Variants in ZNF804B observed in about 807,000 individuals in gnomAD.
ZNF804B encodes zinc finger protein 804B.
ZNF804B carries 80 observed loss-of-function variants against 101.4 expected under a neutral mutation model. The observed-to-expected ratio is 0.79, with a 90% CI of 0.66 to 0.95. ZNF804B has a LOEUF of 0.95. ZNF804B is among the 40% of genes least tolerant of loss of function. The probability of loss-of-function intolerance (pLI) is 0.00; values close to 1 mark genes in which losing one functional copy is unlikely to be tolerated. For missense variants in ZNF804B, 1,673 were observed against 1,561.9 expected, an observed-to-expected ratio of 1.07 and a Z score of -1.20; for synonymous variants, 622 against 558.8, an observed-to-expected ratio of 1.11 and a Z score of -1.59.
intron 1 of ZNF804B, among the ~76,000 whole-genome samples, chr7:88,913,540 G>T (rs760214457): frequency 1.3e-5 from 2 of 152,234 alleles, no homozygotes; most frequent in East Asian, 3.9e-4. Flanking sequence ...GATTACAGGT[G>T]CCTGTCACCA....
intron 3 of ZNF804B, among the ~76,000 whole-genome samples, chr7:89,329,107 C>T (rs986296368): frequency 1.3e-5 from 2 of 151,730 alleles, no homozygotes; most frequent in African/African-American, 4.8e-5. Flanking sequence ...TCAGCTGTCC[C>T]TCTGGAAGCC....
At chr7:88,942,528 G>T (rs990028337) in intron 1 of ZNF804B, among the ~76,000 whole-genome samples, 4 of 66,514 alleles carry the variant, frequency 6.0e-5, no homozygotes, top group African/African-American at 8.7e-5. Flanking sequence ...GTGTGTGTGT[G>T]TGTTTTGCAT....
intron 1 of ZNF804B, among the ~76,000 whole-genome samples, chr7:89,079,040 A>T (rs1413877670): frequency 2.0e-5 from 3 of 152,040 alleles, no homozygotes; most frequent in Non-Finnish European, 4.4e-5. Context: ...TTCAGCTTTG[A>T]ATGGCTCAAA....
chr7:89,138,446 G>A (rs1412374761), intron 1 of ZNF804B, among the ~76,000 whole-genome samples: 1 of 152,106 alleles, frequency 6.6e-6, no homozygotes, highest in African/African-American at 2.4e-5. Flanking sequence ...TAAGCAGAAG[G>A]GACTTGCCAT....
intron 1 of ZNF804B, among the ~76,000 whole-genome samples, chr7:89,091,920 T>A (rs1342610380): frequency 1.3e-5 from 2 of 150,878 alleles, no homozygotes; most frequent in Non-Finnish European, 2.9e-5. Flanking sequence ...TTATGCACAG[T>A]TTTTTTTTAT....
At chr7:89,265,291 TGTGC>T (rs1221338636) in intron 2 of ZNF804B, among the ~76,000 whole-genome samples, 4 of 63,680 alleles carry the variant, frequency 6.3e-5, no homozygotes, top group Non-Finnish European at 1.6e-4. Flanking sequence ...TGTGTGTGTG[TGTGC>T]GCGTGCGCGC....
At chr7:88,873,692 A>G (rs899928392) in intron 1 of ZNF804B, among the ~76,000 whole-genome samples, 1 of 152,186 alleles carries the variant, frequency 6.6e-6, no homozygotes, top group Non-Finnish European at 1.5e-5. Flanking sequence ...ACATATGGCG[A>G]GCCAGTTCTC....
chr7:88,886,120 A>G lies in ZNF804B; in HGVS notation c.108+126036A>G, dbSNP rs182743394. On this transcript the variant is annotated intron_variant, in intron 1 of 3. Coordinates refer to ENST00000333190, the MANE Select transcript of ZNF804B (RefSeq NM_181646.5). The stretch of plus-strand genomic sequence containing the variant: ...GAGACGAATTAGTTCAAAACAATGG[A>G]CCATATTTATAGGATCATTAATGCA... Among the ~76,000 whole-genome samples the G allele has an allele frequency of 6.0e-3, 911 of 152,256 alleles. 5 individuals carry two copies. The highest frequency in any genetic ancestry group is 0.017 in the South Asian group (83 of 4,834).
chr7:89,149,673 C>A (rs938141744), intron 1 of ZNF804B, among the ~76,000 whole-genome samples: 1 of 151,776 alleles, frequency 6.6e-6, no homozygotes, highest in Non-Finnish European at 1.5e-5. Flanking sequence ...ATTCTTAATT[C>A]TATTTTCATT....
chr7:88,968,661 C>T (rs1267673617), intron 1 of ZNF804B, among the ~76,000 whole-genome samples: 1 of 151,504 alleles, frequency 6.6e-6, no homozygotes, highest in Non-Finnish European at 1.5e-5. Flanking sequence ...GAATAAGGTG[C>T]ATACATTGCT....
At chr7:89,223,142 C>G (rs7794856) in intron 2 of ZNF804B, among the ~76,000 whole-genome samples, 18,540 of 151,678 alleles carry the variant, frequency 0.12, 1,221 homozygotes, top group Middle Eastern at 0.25. Flanking sequence ...TATTTTTTGG[C>G]CTGAGTAACG....
rs114408542 is a variant in ZNF804B, at chr7:89,106,719, G to T, written c.109-111436G>T. 5.3e-3 allele frequency among the ~76,000 whole-genome samples: 809 copies of T among 152,256 alleles called. 7 individuals are homozygous for T. Among genetic ancestry groups the T allele is most frequent in the African/African-American group, 0.018 (753 of 41,544 alleles). ...CCTAAGGTTTAAAACAGACTGGATT[G>T]GGAGGATGGCTAGAGAAATCTGTGA... On this transcript the variant is annotated intron_variant, in intron 1 of 3. Coordinates refer to ENST00000333190, the MANE Select transcript of ZNF804B (RefSeq NM_181646.5).
intron 1 of ZNF804B, among the ~76,000 whole-genome samples, chr7:88,776,985 T>C (rs879792042): frequency 2.6e-5 from 4 of 152,118 alleles, no homozygotes; most frequent in Admixed American, 6.5e-5. Flanking sequence ...GAATTAGTAA[T>C]TGCAGGAAGT....
At chr7:88,978,802 GCCTCCCTCCCTC>G in intron 1 of ZNF804B, among the ~76,000 whole-genome samples, 1 of 132,964 alleles carries the variant, frequency 7.5e-6, no homozygotes. Context: ...CTCCCTCCCT[GCCTCCCTCCCTC>G]CCTCCCTCCT....
chr7:88,759,953 C>T lies in ZNF804B; in HGVS notation c.-24C>T, dbSNP rs182657559. ...CTGGTCGCCTGGTGAGGAGTTGAGACTCTGCGCCTCCGCCCGGACCCACAT... is the reference window on the plus strand; with the variant it reads ...CTGGTCGCCTGGTGAGGAGTTGAGATTCTGCGCCTCCGCCCGGACCCACAT... On this transcript the variant is annotated 5_prime_UTR_variant, in exon 1 of 4. Transcript: ENST00000333190. 972 of 1,608,448 alleles carry T rather than the reference C, an allele frequency of 6.0e-4. 6 individuals carry two copies. In the African/African-American group the frequency reaches 0.011, roughly 18 times the overall value.
chr7:89,302,850 A>G (rs1157587650), intron 2 of ZNF804B, among the ~76,000 whole-genome samples: 1 of 151,922 alleles, frequency 6.6e-6, no homozygotes, highest in Non-Finnish European at 1.5e-5. Flanking sequence ...CCTAACACAG[A>G]GCAGCAGTAA....
intron 2 of ZNF804B, among the ~76,000 whole-genome samples, chr7:89,257,453 G>T (rs1195780305): frequency 6.6e-6 from 1 of 151,856 alleles, no homozygotes; most frequent in Non-Finnish European, 1.5e-5. Context: ...CTAATTTAAT[G>T]CATTATCTAT....
intron 1 of ZNF804B, among the ~76,000 whole-genome samples, chr7:88,976,587 G>A (rs1310961721): frequency 6.6e-6 from 1 of 151,538 alleles, no homozygotes; most frequent in Admixed American, 6.6e-5. Context: ...TGTTGATTTT[G>A]TATCCTGCAA....
chr7:88,800,692 T>TTGTG (rs6150209), intron 1 of ZNF804B, among the ~76,000 whole-genome samples: 3,788 of 146,658 alleles, frequency 0.026, 55 homozygotes, highest in South Asian at 0.043. Context: ...TAGATATGAT[T>TTGTG]TGTGTGTGTG....
Sources: allele counts gnomAD v4.1 joint callset (sites outside exome capture counted in the v4.1 genomes callset), GRCh38; gene constraint gnomAD v4.1.1; transcripts MANE v1.5; gene names NCBI Gene and HGNC (gene_info 2026-07-23, HGNC 2026-07-21).